The following FOXP1 variants were observed in gnomAD, a reference collection of about 807,000 sequenced individuals.
The protein encoded by FOXP1 is forkhead box protein P1.
In FOXP1, 15 loss-of-function variants were observed where a neutral mutation model predicts 98.2. The observed-to-expected ratio is 0.15, with a 90% confidence interval of 0.10 to 0.24. FOXP1 has a LOEUF of 0.24. FOXP1 is among the 10% of genes least tolerant of loss of function. FOXP1 has a pLI of 1.00. For synonymous variants in FOXP1, 371 were observed against 314.5 expected (o/e 1.18, Z -1.90); for missense variants, 633 against 848.5 (o/e 0.75, Z 3.15).
At chr3:70,988,808 C>T (rs373513297) in intron 13 of FOXP1, among the ~76,000 whole-genome samples, 31 of 152,264 alleles carry the variant, frequency 2.0e-4, no homozygotes, top group African/African-American at 7.2e-5. Context: ...TGCTTTAACT[C>T]GATATTTTCA....
intron 8 of FOXP1, 146 bp downstream of exon 8, chr3:71,053,490 G>T: frequency 2.3e-6 from 2 of 875,558 alleles, no homozygotes; most frequent in Non-Finnish European, 3.6e-6. Flanking sequence ...ATTATTCAGG[G>T]AGTGGTCTGT....
chr3:71,434,384 C>T (rs1213628897), intron 3 of FOXP1, among the ~76,000 whole-genome samples: 1 of 152,118 alleles, frequency 6.6e-6, no homozygotes, highest in Non-Finnish European at 1.5e-5. Flanking sequence ...GCTGTCCCTC[C>T]CAAGTCCCTC....
At chr3:71,457,869 C>A (rs915758994) in intron 3 of FOXP1, among the ~76,000 whole-genome samples, 1 of 152,170 alleles carries the variant, frequency 6.6e-6, no homozygotes, top group African/African-American at 2.4e-5. Flanking sequence ...TTTAGCAAAA[C>A]ACACTCCGCT....
intron 12 of FOXP1, among the ~76,000 whole-genome samples, chr3:71,011,107 C>T (rs1375932253): frequency 6.6e-6 from 1 of 152,132 alleles, no homozygotes; most frequent in Non-Finnish European, 1.5e-5. Flanking sequence ...AAACTGAAAT[C>T]CTGAATTTGT....
At chr3:71,245,778 T>C (rs2067691229) in intron 5 of FOXP1, among the ~76,000 whole-genome samples, 1 of 151,968 alleles carries the variant, frequency 6.6e-6, no homozygotes, top group African/African-American at 2.4e-5. Flanking sequence ...GATAAAGCTC[T>C]TTCCCACCTC....
intron 6 of FOXP1, among the ~76,000 whole-genome samples, chr3:71,170,063 C>T (rs2061574393): frequency 6.6e-6 from 1 of 152,124 alleles, no homozygotes; most frequent in Non-Finnish European, 1.5e-5. Flanking sequence ...ATTAATCAGC[C>T]TGCTTAATGA....
chr3:71,518,516 A>C (rs1478357545), intron 2 of FOXP1, among the ~76,000 whole-genome samples: 1 of 152,146 alleles, frequency 6.6e-6, no homozygotes, highest in Non-Finnish European at 1.5e-5. Flanking sequence ...GAACATGTTC[A>C]CCTGTTTCAA....
chr3:71,246,032 TCC>T (rs1553798415), intron 5 of FOXP1, among the ~76,000 whole-genome samples: 1 of 147,854 alleles, frequency 6.8e-6, no homozygotes, highest in Non-Finnish European at 1.5e-5. Context: ...GAGTGAAACA[TCC>T]CACTCAAAGG....
intron 3 of FOXP1, among the ~76,000 whole-genome samples, chr3:71,445,292 G>A (rs965706815): frequency 2.0e-5 from 3 of 152,112 alleles, no homozygotes; most frequent in Non-Finnish European, 2.9e-5. Flanking sequence ...CTGGGAAGGA[G>A]GTGTACTGCA....
chr3:70,964,652 G>A (rs944458002), intron 20 of FOXP1, among the ~76,000 whole-genome samples: 1 of 152,186 alleles, frequency 6.6e-6, no homozygotes, highest in Admixed American at 6.5e-5. Context: ...GCTTTGGAAA[G>A]GATGAAATAT....
intron 6 of FOXP1, among the ~76,000 whole-genome samples, chr3:71,154,427 A>T (rs1472303898): frequency 6.6e-6 from 1 of 152,248 alleles, no homozygotes; most frequent in Non-Finnish European, 1.5e-5. Context: ...AAACCATGAC[A>T]TATTTAAGCC....
chr3:71,190,428 T>C lies in FOXP1; in HGVS notation c.180+7774A>G, dbSNP rs115904930. On this transcript the variant is annotated intron_variant, in intron 6 of 20. Coordinates refer to ENST00000649528, the MANE Select transcript of FOXP1 (RefSeq NM_001349338.3). ...GAGTTCAAGACCAGCCTAGGCAATA[T>C]AGTGAGACCCATATCTCTACAGGAA... Among the ~76,000 whole-genome samples the C allele has an allele frequency of 2.7e-3, 406 of 150,868 alleles. 1 individual carries two copies. Among genetic ancestry groups the C allele is most frequent in the African/African-American group, 9.5e-3 (390 of 41,012 alleles).
intron 7 of FOXP1, among the ~76,000 whole-genome samples, chr3:71,086,735 C>T (rs148414408): frequency 6.6e-6 from 1 of 152,280 alleles, no homozygotes; most frequent in Non-Finnish European, 1.5e-5. Flanking sequence ...CAAACTTCTG[C>T]CCCAGAGGAA....
At chr3:71,458,448 A>G (rs2087707450) in intron 3 of FOXP1, among the ~76,000 whole-genome samples, 6 of 152,212 alleles carry the variant, frequency 3.9e-5, no homozygotes, top group Admixed American at 3.9e-4. Flanking sequence ...CCCCATTTTC[A>G]AAAACCCCAA....
chr3:71,559,267 C>G lies in FOXP1; in HGVS notation c.-298+22282G>C, dbSNP rs536406246. ...TGCCAGTGAAATGAACTAAGGCATT[C>G]GCTTACTATTTAAGCCTGTTTGGTA... On this transcript the variant is annotated intron_variant, in intron 2 of 20. Transcript: ENST00000649528. Among the ~76,000 whole-genome samples the G allele has an allele frequency of 2.0e-5, 3 of 152,316 alleles. No individual in the cohort carries two copies. In the South Asian group the frequency reaches 6.2e-4, roughly 32 times the overall value.
chr3:71,268,090 C>CCTTTTTTTTTTTTT (rs1553808991), intron 5 of FOXP1, among the ~76,000 whole-genome samples: 1 of 100,382 alleles, frequency 1.0e-5, no homozygotes. Context: ...CTTTTCTTTT[C>CCTTTTTTTTTTTTT]TTTTTTTTTT....
intron 2 of FOXP1, among the ~76,000 whole-genome samples, chr3:71,495,548 C>T (rs1279483845): frequency 6.6e-6 from 1 of 152,120 alleles, no homozygotes; most frequent in Non-Finnish European, 1.5e-5. Flanking sequence ...AATATAATTG[C>T]CATTTGTTGA....
intron 2 of FOXP1, among the ~76,000 whole-genome samples, chr3:71,566,549 C>G (rs536866401): frequency 6.6e-6 from 1 of 152,314 alleles, no homozygotes; most frequent in African/African-American, 2.4e-5. Context: ...AAAAGGCAAT[C>G]CAACGGGCAA....
intron 20 of FOXP1, among the ~76,000 whole-genome samples, chr3:70,959,901 A>G (rs1030122993): frequency 6.6e-6 from 1 of 152,182 alleles, no homozygotes; most frequent in Admixed American, 6.5e-5. Flanking sequence ...TGAGTACCAG[A>G]TAACAGGTCC....
Sources: gnomAD v4.1 joint callset for allele counts (sites outside exome capture counted in the v4.1 genomes callset) on GRCh38, gnomAD v4.1.1 for gene constraint, MANE v1.5 for transcripts, NCBI Gene and HGNC (gene_info 2026-07-23, HGNC 2026-07-21) for gene names.